RIMKLB: variants seen among roughly 807,000 people sequenced by gnomAD.
RIMKLB encodes the protein ribosomal modification protein rimK like family member B, also known as beta-citrylglutamate synthase B.
In RIMKLB, 7 loss-of-function variants were observed where a neutral mutation model predicts 32.0. The ratio of observed to expected loss-of-function variants is 0.22; its 90% confidence interval spans 0.12 to 0.41. The LOEUF (loss-of-function observed/expected upper bound fraction) is 0.41, where lower values mean the gene tolerates loss of function less well. Among genes scored for constraint, RIMKLB ranks in the 10% least tolerant of loss-of-function variants. The pLI, the probability that RIMKLB is intolerant of heterozygous loss-of-function variation, is 1.00. For synonymous variants in RIMKLB, 172 were observed against 185.1 expected (o/e 0.93, Z 0.57); for missense variants, 289 against 498.7 (o/e 0.58, Z 4.00).
chr12:8,781,586 C>G (rs967973497), downstream of RIMKLB, among the ~76,000 whole-genome samples: 2 of 152,166 alleles, frequency 1.3e-5, no homozygotes, highest in Non-Finnish European at 2.9e-5. Context: ...CTCTATCTCT[C>G]CCTGTCTTTG....
chr12:8,743,879 G>T (rs1029942333), intron 2 of RIMKLB, among the ~76,000 whole-genome samples: 1 of 151,930 alleles, frequency 6.6e-6, no homozygotes, highest in Non-Finnish European at 1.5e-5. Flanking sequence ...CTTAATTTCA[G>T]TATTAAGTCA....
intron 5 of RIMKLB, among the ~76,000 whole-genome samples, chr12:8,761,371 C>G (rs1293631771): frequency 6.6e-6 from 1 of 151,162 alleles, no homozygotes; most frequent in Non-Finnish European, 1.5e-5. Flanking sequence ...CAAAAATTAC[C>G]GAATTTGTTT....
At position 8,773,419 on chromosome 12, in the gene RIMKLB, C is replaced by T. The variant is rs2302488; in HGVS notation, c.796C>T (p.Leu266=). The change falls in exon 6 of 6, where the codon CTG becomes TTG. Residue 266 remains leucine (L), a synonymous_variant. Coordinates refer to ENST00000535829, the MANE Select transcript of RIMKLB (RefSeq NM_001297776.2). ...LGMDVCGIDL[L]MKDDGSFCVC... ...GATGGATGTGTGTGGCATTGATCTGCTGATGAAAGATGACGGCTCCTTCTG... is the reference window on the plus strand; with the variant it reads ...GATGGATGTGTGTGGCATTGATCTGTTGATGAAAGATGACGGCTCCTTCTG... 0.015 allele frequency: 24,459 copies of T among 1,614,074 alleles called. 2,348 individuals carry two copies. The African/African-American group carries it at 0.24, about 16-fold the overall frequency.
chr12:8,768,397 G>A (rs1950147201), intron 5 of RIMKLB, among the ~76,000 whole-genome samples: 1 of 152,226 alleles, frequency 6.6e-6, no homozygotes, highest in Non-Finnish European at 1.5e-5. Context: ...CCACAAGTGT[G>A]TGCAGTTGCA....
chr12:8,713,423 A>G (rs1450933278), intron 1 of RIMKLB, among the ~76,000 whole-genome samples: 3 of 152,196 alleles, frequency 2.0e-5, no homozygotes, highest in Non-Finnish European at 2.9e-5. Context: ...AAATATATTG[A>G]TTGGCATTTC....
downstream of RIMKLB, chr12:8,777,714 C>G: frequency 7.9e-7 from 1 of 1,272,198 alleles, no homozygotes; most frequent in African/African-American, 1.5e-5. Flanking sequence ...CAGTGCCCTT[C>G]TAAACTCCCC....
At chr12:8,723,779 A>G in intron 2 of RIMKLB, among the ~76,000 whole-genome samples, 1 of 143,014 alleles carries the variant, frequency 7.0e-6, no homozygotes. Flanking sequence ...CTGGCCTGTA[A>G]TTCTCATAGG....
chr12:8,726,624 T>G (rs929515286), intron 2 of RIMKLB, among the ~76,000 whole-genome samples: 2 of 152,054 alleles, frequency 1.3e-5, no homozygotes, highest in Non-Finnish European at 2.9e-5. Context: ...AATTCTTTTA[T>G]TTTTTACCCA....
chr12:8,746,433 TA>T (rs1439880175), intron 2 of RIMKLB, among the ~76,000 whole-genome samples: 1 of 151,106 alleles, frequency 6.6e-6, no homozygotes, highest in Non-Finnish European at 1.5e-5. Context: ...ACCCCATCTC[TA>T]AAAAATACAA....
the RIMKLB span, among the ~76,000 whole-genome samples, chr12:8,670,243 C>G: frequency 6.6e-6 from 1 of 152,038 alleles, no homozygotes; most frequent in South Asian, 2.1e-4. Flanking sequence ...AAAGTCTTAA[C>G]TCATATCAGC....
Position 8,774,322 on chromosome 12 carries a change from T to A in RIMKLB, c.*538T>A. The A allele has an allele frequency of 6.1e-6, 6 of 985,658 alleles. No individual in the cohort carries two copies. Among genetic ancestry groups the A allele is most frequent in the Non-Finnish European group, 7.2e-6 (6 of 829,940 alleles). The allele number at this position is 985,658 out of a possible 1,614,324, so 61.1% of individuals were successfully genotyped here. On this transcript the variant is annotated 3_prime_UTR_variant, in exon 6 of 6. Coordinates refer to ENST00000535829, the MANE Select transcript of RIMKLB (RefSeq NM_001297776.2). Reference sequence around the variant, plus strand: ...ATCTTGAGGGGCTCTTTTACTGGGATTTCTTATTTTTTTGTTTTTTCCCGC... The same window carrying A: ...ATCTTGAGGGGCTCTTTTACTGGGAATTCTTATTTTTTTGTTTTTTCCCGC...
intron 5 of RIMKLB, among the ~76,000 whole-genome samples, chr12:8,772,906 A>G (rs572761608): frequency 7.2e-5 from 11 of 152,224 alleles, no homozygotes; most frequent in Non-Finnish European, 1.6e-4. Context: ...AGTGGGGGCT[A>G]TAGAGGAAGA....
chr12:8,688,558 T>G (rs540569803), intron 1 of RIMKLB, among the ~76,000 whole-genome samples: 2 of 152,244 alleles, frequency 1.3e-5, no homozygotes, highest in African/African-American at 2.4e-5. Flanking sequence ...GGTACTCCAG[T>G]GACATAGTTC....
rs759238274 is a variant in RIMKLB at position 8,773,302 on chromosome 12, G to C, written c.698-19G>C. The C allele has an allele frequency of 5.2e-6, 8 of 1,543,320 alleles. No homozygotes were observed. In the East Asian group the frequency reaches 6.8e-5, roughly 13 times the overall value. On this transcript the variant is annotated intron_variant, in intron 5 of 5. Coordinates refer to ENST00000535829, the MANE Select transcript of RIMKLB (RefSeq NM_001297776.2). ...AAGTTTATGATTTTGTTAATTTCCT[G>C]TCTTGTTTCTTTTGCCAGGTGGTGT...
chr12:8,776,778 G>A lies in RIMKLB; in HGVS notation c.*2994G>A. ...ATGTTACCAATAAGAAAACTACCCT[G>A]GAACAGTAGAAAAACCCAACAAGAG... On this transcript the variant is annotated 3_prime_UTR_variant, in exon 6 of 6. Transcript: ENST00000535829. 1.0e-6 allele frequency: 1 copy of A among 985,290 alleles called. No individual in the cohort carries two copies. Among genetic ancestry groups the A allele is most frequent in the Non-Finnish European group, 1.2e-6 (1 of 829,808 alleles). 61.0% of individuals were successfully genotyped at this position (985,290 alleles called of 1,614,324 possible). A position where few individuals can be genotyped will look rare whatever the true frequency, so the allele number is the denominator to read the frequency against.
chr12:8,723,606 G>A (rs976836198), intron 2 of RIMKLB, among the ~76,000 whole-genome samples: 1 of 151,952 alleles, frequency 6.6e-6, no homozygotes, highest in African/African-American at 2.4e-5. Context: ...ATAAAATGAG[G>A]CATGCTTGTA....
At chr12:8,673,326 C>G in the RIMKLB span, among the ~76,000 whole-genome samples, 1 of 152,140 alleles carries the variant, frequency 6.6e-6, no homozygotes, top group South Asian at 2.1e-4. Flanking sequence ...TGATACCTTT[C>G]CATTTGAAGA....
At chr12:8,758,993 G>A (rs1949306753) in intron 5 of RIMKLB, among the ~76,000 whole-genome samples, 1 of 152,086 alleles carries the variant, frequency 6.6e-6, no homozygotes, top group African/African-American at 2.4e-5. Flanking sequence ...TTTTACTATT[G>A]TGAGCAATAA....
the RIMKLB span, among the ~76,000 whole-genome samples, chr12:8,676,486 C>A: frequency 2.1e-5 from 3 of 144,456 alleles, no homozygotes; most frequent in Non-Finnish European, 4.5e-5. Context: ...GCAACCTCTG[C>A]CTCCCGGGTT....
Sources: allele counts gnomAD v4.1 joint callset (sites outside exome capture counted in the v4.1 genomes callset), GRCh38; gene constraint gnomAD v4.1.1; transcripts MANE v1.5; gene names NCBI Gene and HGNC (gene_info 2026-07-23, HGNC 2026-07-21).